Variants in EPHA4 observed in about 807,000 individuals in gnomAD.
EPHA4 encodes the protein ephrin type-A receptor 4.
A neutral mutation model predicts 108.3 loss-of-function variants in EPHA4; 19 were observed. The ratio of observed to expected loss-of-function variants is 0.18; its 90% confidence interval spans 0.12 to 0.26. The LOEUF (loss-of-function observed/expected upper bound fraction) is 0.26, where lower values mean the gene tolerates loss of function less well. Ranked by LOEUF, EPHA4 falls within the 10% of genes least tolerant of loss-of-function variation. The pLI is 1.00. For missense variants in EPHA4, 917 were observed against 1,254.0 expected (o/e 0.73, Z 4.06); for synonymous variants, 449 against 455.5 (o/e 0.99, Z 0.18).
intron 4 of EPHA4, among the ~76,000 whole-genome samples, chr2:221,492,324 T>C (rs1692168676): frequency 6.6e-6 from 1 of 152,118 alleles, no homozygotes; most frequent in African/African-American, 2.4e-5. Context: ...GACTATAAAA[T>C]GGGGAGTATG....
chr2:221,482,791 A>AC (rs1691864259), intron 4 of EPHA4, 101 bp from the exon 5 acceptor site: 1 of 1,113,500 alleles, frequency 9.0e-7, no homozygotes. Context: ...AGCAAGGCAA[A>AC]CCCACTTGGC....
intron 5 of EPHA4, among the ~76,000 whole-genome samples, chr2:221,475,514 C>G (rs1691627123): frequency 6.6e-6 from 1 of 152,194 alleles, no homozygotes; most frequent in Admixed American, 6.5e-5. Flanking sequence ...AGCTTCTCAA[C>G]CTTGTTCTTA....
chr2:221,436,405 G>A lies in EPHA4; in HGVS notation c.2340C>T (p.Thr780=), dbSNP rs146308796. The change falls in exon 13 of 18, where the codon ACC becomes ACT. Residue 780 remains threonine, a synonymous_variant. Transcript: ENST00000281821. ...TGTCACCGATCTTTCTTACCCTGGTGGTGTAAGCTGCTTCCGGATCATCCT... is the reference window on the plus strand; with the variant it reads ...TGTCACCGATCTTTCTTACCCTGGTAGTGTAAGCTGCTTCCGGATCATCCT... ...VLEDDPEAAY[T]TRGGKIPIRW... is the part of the protein sequence containing the mutation. 13 of 1,613,904 alleles carry A rather than the reference G, an allele frequency of 8.1e-6. 1 individual carries two copies. Among genetic ancestry groups the A allele is most frequent in the Non-Finnish European group, 8.5e-7 (1 of 1,179,914 alleles).
chr2:221,488,097 T>C (rs982771040), intron 4 of EPHA4, among the ~76,000 whole-genome samples: 5 of 152,188 alleles, frequency 3.3e-5, no homozygotes. Context: ...AACTCTGTAA[T>C]TCTATCTCCA....
Position 221,437,796 on chromosome 2 carries a change from G to A in EPHA4, c.2075-674C>T, listed in dbSNP as rs530709357. Among the ~76,000 whole-genome samples the A allele has an allele frequency of 1.1e-3, 167 of 151,156 alleles. 2 individuals carry two copies. The South Asian group carries it at 0.012, about 11-fold the overall frequency. ...AAATTTGCCAAGCATGGTGGCAGGC[G>A]CCTGTAATCCCAGCTACTCAGGAGG... On this transcript the variant is annotated intron_variant, in intron 11 of 17. Coordinates refer to ENST00000281821, the MANE Select transcript of EPHA4 (RefSeq NM_004438.5).
At chr2:221,508,241 T>C (rs1399945381) in intron 3 of EPHA4, among the ~76,000 whole-genome samples, 1 of 152,088 alleles carries the variant, frequency 6.6e-6, no homozygotes, top group East Asian at 1.9e-4. Flanking sequence ...GAATAATTGG[T>C]TTTGGAATTC....
chr2:221,541,980 T>G (rs1037481419), intron 3 of EPHA4, among the ~76,000 whole-genome samples: 1 of 152,210 alleles, frequency 6.6e-6, no homozygotes, highest in Admixed American at 6.5e-5. Flanking sequence ...AAATATGATT[T>G]TATACTCTTA....
At chr2:221,504,409 C>T (rs972373337) in intron 3 of EPHA4, among the ~76,000 whole-genome samples, 5 of 152,012 alleles carry the variant, frequency 3.3e-5, no homozygotes, top group Non-Finnish European at 7.4e-5. Context: ...TCACCCACTA[C>T]CATAACAAAG....
At chr2:221,494,247 T>G (rs1203873590) in intron 4 of EPHA4, among the ~76,000 whole-genome samples, 1 of 152,168 alleles carries the variant, frequency 6.6e-6, no homozygotes, top group Non-Finnish European at 1.5e-5. Flanking sequence ...GCAAAGCCAA[T>G]TTACTACCTT....
rs1281040731 is a variant in EPHA4, at chr2:221,451,832, T to C, written c.1715+3715A>G. On this transcript the variant is annotated intron_variant, in intron 8 of 17. Coordinates refer to ENST00000281821, the MANE Select transcript of EPHA4 (RefSeq NM_004438.5). ...TTTAGGTATTTTATAAATTTAGTAG[T>C]TTGATTCTTTCACCGCGATCCCTAA... is the stretch of plus-strand genomic sequence containing the variant. 2.0e-5 allele frequency among the ~76,000 whole-genome samples: 3 copies of C among 152,180 alleles called. 1 individual carries two copies. The highest frequency in any genetic ancestry group is 4.4e-5 in the Non-Finnish European group (3 of 68,036).
At chr2:221,499,746 ATATATATATATTTT>A (rs1377008925) in intron 4 of EPHA4, among the ~76,000 whole-genome samples, 4 of 48,434 alleles carry the variant, frequency 8.3e-5, no homozygotes, top group Admixed American at 2.2e-4. Context: ...ATATATATAT[ATATATATATATTTT>A]TTTTTTTTTT....
Position 221,482,529 on chromosome 2 carries a change from C to T in EPHA4, c.1141G>A (p.Gly381Arg), listed in dbSNP as rs1691850395. 1.2e-6 allele frequency: 2 copies of T among 1,613,936 alleles called. No individual in the cohort carries two copies. Among genetic ancestry groups the T allele is most frequent in the African/African-American group, 2.7e-5 (2 of 74,898 alleles). Residue 381 changes from glycine (G) to arginine (R), a missense_variant, in exon 5 of 18, where the codon GGA becomes AGA. Gly to Arg is a moderately radical substitution (Grantham distance 125, BLOSUM62 -2). Around this residue, in one of 3 missense-constraint regions of EPHA4, gnomAD observed 758 missense variants for 1,076.7 expected, o/e 0.70. Coordinates refer to ENST00000281821, the MANE Select transcript of EPHA4 (RefSeq NM_004438.5). ...TGTGGGGTGTAGTGGACCCCACTTC[C>T]ACAGGGTCGGCACTTGCTGGGGTCA... is the stretch of plus-strand genomic sequence containing the variant. ...AGDPSKCRPC[G>R]SGVHYTPQQN...
chr2:221,501,215 A>G lies in EPHA4; in HGVS notation c.824-43T>C, dbSNP rs553398676. 17 of 1,507,412 alleles carry G rather than the reference A, an allele frequency of 1.1e-5. No individual in the cohort carries two copies. In the African/African-American group the frequency reaches 2.2e-4, roughly 20 times the overall value. 93.4% of individuals were successfully genotyped at this position (1,507,412 alleles called of 1,614,324 possible). A position where few individuals can be genotyped will look rare whatever the true frequency, so the allele number is the denominator to read the frequency against. ...AAAACAAACAAATAGAAACCACTGCAAATAGACCAAAGCAAAAATGCAAAG... is the reference window on the plus strand; with the variant it reads ...AAAACAAACAAATAGAAACCACTGCGAATAGACCAAAGCAAAAATGCAAAG... On this transcript the variant is annotated intron_variant, in intron 3 of 17. Coordinates refer to ENST00000281821, the MANE Select transcript of EPHA4 (RefSeq NM_004438.5).
chr2:221,481,085 T>A (rs1691801921), intron 5 of EPHA4, among the ~76,000 whole-genome samples: 1 of 152,016 alleles, frequency 6.6e-6, no homozygotes, highest in Non-Finnish European at 1.5e-5. Flanking sequence ...TCTCCAGAAA[T>A]AAAAAAGCCG....
intron 2 of EPHA4, 76 bp from the exon 3 acceptor site, chr2:221,564,470 A>T: frequency 1.4e-6 from 2 of 1,392,174 alleles, no homozygotes; most frequent in East Asian, 4.6e-5. Context: ...TTTTATTCTC[A>T]TAGGACACCT....
In EPHA4 at chr2:221,501,745, T is replaced by C. The variant is rs13419036; in HGVS notation, c.824-573A>G. On this transcript the variant is annotated intron_variant, in intron 3 of 17. Transcript: ENST00000281821. ...TGACAAAAAAACCGGGTGGTGATTA[T>C]TTCCCAATTACAACTACAGAAAGAA... is the stretch of plus-strand genomic sequence containing the variant. Among the ~76,000 whole-genome samples the C allele has an allele frequency of 3.7e-3, 567 of 152,222 alleles. 9 individuals carry two copies. Among genetic ancestry groups the C allele is most frequent in the African/African-American group, 0.013 (546 of 41,540 alleles).
intron 3 of EPHA4, among the ~76,000 whole-genome samples, chr2:221,501,815 C>G (rs1483500941): frequency 6.6e-6 from 1 of 152,136 alleles, no homozygotes; most frequent in Admixed American, 6.5e-5. Context: ...AAAAGACGAG[C>G]TTGTAAGGCA....
chr2:221,452,074 A>G (rs768870041), intron 8 of EPHA4, among the ~76,000 whole-genome samples: 2 of 152,188 alleles, frequency 1.3e-5, no homozygotes, highest in Admixed American at 1.3e-4. Flanking sequence ...CACCAAGACA[A>G]TTTTCTCTCT....
intron 4 of EPHA4, among the ~76,000 whole-genome samples, chr2:221,486,778 T>A (rs953623476): frequency 3.1e-5 from 4 of 129,066 alleles, no homozygotes; most frequent in Non-Finnish European, 6.7e-5. Flanking sequence ...TAATAATAAT[T>A]GATGTCTTTA....
Sources: allele counts gnomAD v4.1 joint callset (sites outside exome capture counted in the v4.1 genomes callset), GRCh38; gene constraint gnomAD v4.1.1; regional missense constraint gnomAD v4.1.1; transcripts MANE v1.5; gene names NCBI Gene and HGNC (gene_info 2026-07-23, HGNC 2026-07-21).